The following ERP44 variants were observed in gnomAD, a reference collection of about 807,000 sequenced individuals.
ERP44 encodes endoplasmic reticulum resident protein 44.
Under a neutral mutation model 53.4 loss-of-function variants are expected in ERP44, and 25 were observed. That is an observed-to-expected ratio of 0.47 (90% CI 0.34 to 0.65). The LOEUF (loss-of-function observed/expected upper bound fraction) is 0.65, where lower values mean the gene tolerates loss of function less well. ERP44 is among the 30% of genes least tolerant of loss of function. The pLI is 0.01. For missense variants in ERP44, 338 were observed against 493.2 expected, an observed-to-expected ratio of 0.69 and a Z score of 2.98; for synonymous variants, 145 against 161.2, an observed-to-expected ratio of 0.90 and a Z score of 0.76.
At chr9:100,011,470 G>A (rs1438301077) in intron 8 of ERP44, among the ~76,000 whole-genome samples, 1 of 152,164 alleles carries the variant, frequency 6.6e-6, no homozygotes, top group Non-Finnish European at 1.5e-5. Context: ...AATGAAAAAT[G>A]AGAATTATGT....
At chr9:100,063,075 C>CGAAAAAAAAAAAAAAAAAAAAAAA (rs1178978077) in intron 1 of ERP44, among the ~76,000 whole-genome samples, 1 of 40,084 alleles carries the variant, frequency 2.5e-5, no homozygotes, top group Non-Finnish European at 4.2e-5. Context: ...CCCTGTCTCA[C>CGAAAAAAAAAAAAAAAAAAAAAAA]AAAAAAAAAA....
At chr9:100,056,646 C>T (rs573134054) in intron 3 of ERP44, among the ~76,000 whole-genome samples, 1 of 152,126 alleles carries the variant, frequency 6.6e-6, no homozygotes, top group Non-Finnish European at 1.5e-5. Flanking sequence ...AAGAAAATGG[C>T]ATCTAATCTA....
chr9:100,092,236 A>G (rs1403724582), intron 1 of ERP44, among the ~76,000 whole-genome samples: 2 of 152,258 alleles, frequency 1.3e-5, no homozygotes, highest in Non-Finnish European at 2.9e-5. Flanking sequence ...GAAATAGAGT[A>G]CAGCAAGAGT....
intron 1 of ERP44, among the ~76,000 whole-genome samples, chr9:100,065,817 C>T (rs1826204645): frequency 6.6e-6 from 1 of 152,190 alleles, no homozygotes; most frequent in Non-Finnish European, 1.5e-5. Flanking sequence ...AAGAGGTTAT[C>T]AAACATTACT....
At chr9:100,021,925 G>T in intron 5 of ERP44, 117 bp downstream of exon 5, 1 of 866,824 alleles carries the variant, frequency 1.2e-6, no homozygotes, top group Non-Finnish European at 1.8e-6. Flanking sequence ...TTAAGTATAC[G>T]TATGTCAAAT....
intron 8 of ERP44, among the ~76,000 whole-genome samples, chr9:100,011,413 G>A (rs1292303961): frequency 1.3e-5 from 2 of 152,170 alleles, no homozygotes; most frequent in African/African-American, 4.8e-5. Context: ...AAAAAGAAAA[G>A]AAGAGAATAT....
chr9:100,062,132 A>G (rs1826157631), intron 1 of ERP44, among the ~76,000 whole-genome samples: 1 of 152,174 alleles, frequency 6.6e-6, no homozygotes, highest in African/African-American at 2.4e-5. Context: ...TCCCCAGTTT[A>G]TTACTATTAG....
intron 1 of ERP44, among the ~76,000 whole-genome samples, chr9:100,084,141 G>A (rs766935166): frequency 2.6e-5 from 4 of 152,270 alleles, no homozygotes; most frequent in Non-Finnish European, 5.9e-5. Context: ...TTGTAATTAG[G>A]AAGCTACTCC....
At position 100,079,592 on chromosome 9, in the gene ERP44, AAT is replaced by A. The variant is rs371854353; in HGVS notation, c.57+19190_57+19191del. Among the ~76,000 whole-genome samples, 94 of 152,184 alleles carry A rather than the reference AAT, an allele frequency of 6.2e-4. 2 individuals are homozygous for A. The East Asian group carries it at 0.017, about 27-fold the overall frequency. ...AATGATCAAACATGAAAGCCATAAAAATATATATTATAATTTTTAATTTTGTT... is the reference window on the plus strand; with the variant it reads ...AATGATCAAACATGAAAGCCATAAAAATATATTATAATTTTTAATTTTGTT... On this transcript the variant is annotated intron_variant, in intron 1 of 11. Coordinates refer to ENST00000262455, the MANE Select transcript of ERP44 (RefSeq NM_015051.3).
In ERP44 at chr9:100,062,340, G is replaced by A. The variant is rs181811730; in HGVS notation, c.58-2168C>T. On this transcript the variant is annotated intron_variant, in intron 1 of 11. Transcript: ENST00000262455. ...CAGATATGAACCTAGAGATGGGTAA[G>A]AAATCTTTTCTACTCTACATTATCA... 1.2e-4 allele frequency among the ~76,000 whole-genome samples: 19 copies of A among 152,288 alleles called. No individual in the cohort carries two copies. The East Asian group carries it at 3.7e-3, about 29-fold the overall frequency.
At chr9:100,049,849 A>C (rs1049599480) in intron 4 of ERP44, among the ~76,000 whole-genome samples, 2 of 152,184 alleles carry the variant, frequency 1.3e-5, no homozygotes, top group African/African-American at 2.4e-5. Flanking sequence ...TATTTGTATA[A>C]AGATTTATAT....
At chr9:100,081,052 CTAAA>C (rs1826416533) in intron 1 of ERP44, among the ~76,000 whole-genome samples, 1 of 151,398 alleles carries the variant, frequency 6.6e-6, no homozygotes, top group Admixed American at 6.6e-5. Flanking sequence ...AAAATCAAGA[CTAAA>C]TACATCTATA....
At chr9:100,032,440 C>T (rs1343288963) in intron 4 of ERP44, among the ~76,000 whole-genome samples, 6 of 151,946 alleles carry the variant, frequency 3.9e-5, no homozygotes, top group Non-Finnish European at 8.8e-5. Flanking sequence ...ATATTAGGTC[C>T]CCTAAAGTCA....
intron 11 of ERP44, among the ~76,000 whole-genome samples, chr9:99,984,038 T>C (rs1463202689): frequency 3.3e-5 from 5 of 152,200 alleles, no homozygotes; most frequent in African/African-American, 4.8e-5. Context: ...CTTTGGGTTA[T>C]AGCCAACAAG....
Position 99,979,675 on chromosome 9 carries a change from G to A in ERP44, c.*2937C>T, listed in dbSNP as rs1452480381. On this transcript the variant is annotated 3_prime_UTR_variant, in exon 12 of 12. Transcript: ENST00000262455. ...AGCAGAAAGGCCCCCTTTTGGTTCT[G>A]GGGACTCAACCGTGTTCTTCAGTCT... 16 of 337,886 alleles carry A rather than the reference G, an allele frequency of 4.7e-5. No individual in the cohort carries two copies. The East Asian group carries it at 7.2e-4, about 15-fold the overall frequency. 20.9% of individuals were successfully genotyped at this position (337,886 alleles called of 1,614,324 possible). A position where few individuals can be genotyped will look rare whatever the true frequency, so the allele number is the denominator to read the frequency against.
intron 10 of ERP44, among the ~76,000 whole-genome samples, chr9:99,985,902 G>A (rs561262192): frequency 1.3e-5 from 2 of 152,208 alleles, no homozygotes; most frequent in African/African-American, 2.4e-5. Flanking sequence ...ACACCCTTGC[G>A]GCATTCTCTT....
rs1391559070 is a variant in ERP44 at position 99,994,696 on chromosome 9, G to A, written c.1017-9627C>T. 2.6e-5 allele frequency among the ~76,000 whole-genome samples: 4 copies of A among 151,966 alleles called. No homozygotes were observed. In the South Asian group the frequency reaches 8.3e-4, roughly 32 times the overall value. ...TACCATACTTGTATGTCTATTTCTA[G>A]ACTCTCTCTCTTCCATGGCTCTATG... is the stretch of plus-strand genomic sequence containing the variant. On this transcript the variant is annotated intron_variant, in intron 10 of 11. Coordinates refer to ENST00000262455, the MANE Select transcript of ERP44 (RefSeq NM_015051.3).
chr9:99,997,073 T>G (rs1325159407), intron 10 of ERP44, among the ~76,000 whole-genome samples: 1 of 152,190 alleles, frequency 6.6e-6, no homozygotes, highest in African/African-American at 2.4e-5. Flanking sequence ...GTTGGTTCCA[T>G]GATCTTGCAA....
Position 100,016,420 on chromosome 9 carries a change from C to A in ERP44, c.664G>T (p.Val222Leu), listed in dbSNP as rs746443917. The A allele has an allele frequency of 1.9e-6, 3 of 1,609,366 alleles. No individual in the cohort carries two copies. Among genetic ancestry groups the A allele is most frequent in the South Asian group, 2.2e-5 (2 of 89,920 alleles). ...AAATTTGTCATAGCTCCCAAGTACA[C>A]CATATCCGGAGCAGAATGCTATTAC... ...KPPGHSAPDM[V>L]YLGAMTNFDV... The change falls in exon 8 of 12, where the codon GTG (valine) becomes TTG (leucine). Residue 222 changes from valine to leucine, a missense_variant. Around this residue, in one of 3 missense-constraint regions of ERP44, gnomAD observed 224 missense variants for 301.4 expected, o/e 0.74. Transcript: ENST00000262455.
Sources: gnomAD v4.1 joint callset for allele counts (sites outside exome capture counted in the v4.1 genomes callset) on GRCh38, gnomAD v4.1.1 for gene constraint, gnomAD v4.1.1 regional missense constraint, MANE v1.5 for transcripts, NCBI Gene and HGNC (gene_info 2026-07-23, HGNC 2026-07-21) for gene names.